The following TADA2A variants were observed in gnomAD, a reference collection of about 807,000 sequenced individuals.
TADA2A encodes transcriptional adapter 2-alpha.
A neutral mutation model predicts 67.4 loss-of-function variants in TADA2A; 38 were observed. That is an observed-to-expected ratio of 0.56 (90% CI 0.44 to 0.74). The LOEUF is 0.74. TADA2A is among the 30% of genes least tolerant of loss of function. TADA2A has a pLI of 0.00. For synonymous variants in TADA2A, 192 were observed against 181.6 expected, an observed-to-expected ratio of 1.06 and a Z score of -0.46; for missense variants, 454 against 547.0, an observed-to-expected ratio of 0.83 and a Z score of 1.70.
At chr17:37,444,551 G>C in intron 7 of TADA2A, 145 bp from the exon 8 acceptor site, 1 of 694,426 alleles carries the variant, frequency 1.4e-6, no homozygotes, top group East Asian at 2.6e-5. Context: ...ACCTGTGCCA[G>C]TATTGTGGCC....
chr17:37,460,269 A>G (rs998319952), intron 9 of TADA2A, among the ~76,000 whole-genome samples: 6 of 150,328 alleles, frequency 4.0e-5, no homozygotes, highest in African/African-American at 1.5e-4. Flanking sequence ...TACTTTTGAG[A>G]TGGTCTTGCT....
Position 37,443,578 on chromosome 17 carries a change from C to A in TADA2A, c.531+926C>A, listed in dbSNP as rs575479884. On this transcript the variant is annotated intron_variant, in intron 7 of 15. Coordinates refer to ENST00000615182, the MANE Select transcript of TADA2A (RefSeq NM_001166105.3). ...TTGTAGTCTGGTTCTTATTGTACAT[C>A]TAGGGGCTTTCAAGATTGTACTGTA... Among the ~76,000 whole-genome samples the A allele has an allele frequency of 5.3e-5, 8 of 152,234 alleles. No homozygotes were observed. The East Asian group carries it at 1.4e-3, about 26-fold the overall frequency.
At chr17:37,412,242 A>G (rs2051901551) in intron 2 of TADA2A, among the ~76,000 whole-genome samples, 3 of 150,794 alleles carry the variant, frequency 2.0e-5, no homozygotes, top group Non-Finnish European at 4.4e-5. Context: ...AAAGAAAATG[A>G]GGCTGAGATG....
At chr17:37,457,418 T>C (rs1462855085) in intron 8 of TADA2A, among the ~76,000 whole-genome samples, 1 of 151,256 alleles carries the variant, frequency 6.6e-6, no homozygotes, top group Non-Finnish European at 1.5e-5. Flanking sequence ...TGACCTCAAG[T>C]GATCCATCCA....
chr17:37,428,635 G>C (rs1284189864), intron 4 of TADA2A, among the ~76,000 whole-genome samples: 2 of 152,176 alleles, frequency 1.3e-5, no homozygotes, highest in Non-Finnish European at 2.9e-5. Flanking sequence ...AGGCTAAAGA[G>C]CAGTGGCACA....
At chr17:37,424,440 G>C (rs972676731) in intron 3 of TADA2A, among the ~76,000 whole-genome samples, 4 of 151,710 alleles carry the variant, frequency 2.6e-5, no homozygotes, top group African/African-American at 9.7e-5. Flanking sequence ...TGCAACCTCT[G>C]CCTCCCGGGT....
intron 8 of TADA2A, among the ~76,000 whole-genome samples, chr17:37,453,485 G>A (rs1280971278): frequency 6.6e-6 from 1 of 152,180 alleles, no homozygotes; most frequent in African/African-American, 2.4e-5. Context: ...TTCTGGGAAA[G>A]GCAGCTGGAG....
chr17:37,419,357 A>G (rs2052158008), intron 2 of TADA2A, among the ~76,000 whole-genome samples: 1 of 144,444 alleles, frequency 6.9e-6, no homozygotes, highest in African/African-American at 2.5e-5. Flanking sequence ...TTTTTTTTGT[A>G]GAGACATGGT....
intron 8 of TADA2A, among the ~76,000 whole-genome samples, chr17:37,452,648 GC>G (rs1259210479): frequency 6.6e-6 from 1 of 152,058 alleles, no homozygotes; most frequent in African/African-American, 2.4e-5. Context: ...ACATTCTAAA[GC>G]CCATCATTCC....
intron 5 of TADA2A, 154 bp downstream of exon 5, chr17:37,437,983 A>G: frequency 1.5e-6 from 1 of 676,558 alleles, no homozygotes; most frequent in Non-Finnish European, 2.5e-6. Flanking sequence ...TCTGTACATT[A>G]TTTTTCCAGT....
intron 14 of TADA2A, among the ~76,000 whole-genome samples, chr17:37,472,283 C>T (rs1434087169): frequency 6.6e-6 from 1 of 151,964 alleles, no homozygotes; most frequent in Non-Finnish European, 1.5e-5. Flanking sequence ...CCAGGCTGGT[C>T]TCGAACTGCT....
At position 37,411,281 on chromosome 17, in the gene TADA2A, C is replaced by G. The variant is rs2051857897; in HGVS notation, c.-85C>G. The G allele has an allele frequency of 3.0e-6, 4 of 1,315,248 alleles. No homozygotes were observed. Among genetic ancestry groups the G allele is most frequent in the South Asian group, 1.2e-5 (1 of 84,840 alleles). 81.5% of individuals were successfully genotyped at this position (1,315,248 alleles called of 1,614,324 possible). A position where few individuals can be genotyped will look rare whatever the true frequency, so the allele number is the denominator to read the frequency against. Reference sequence around the variant, plus strand: ...TGTTTGTTCCTAGGGAGTCATCAAGCTTTGGTGTATGTGTTGGCCGGTTCT... The same window carrying G: ...TGTTTGTTCCTAGGGAGTCATCAAGGTTTGGTGTATGTGTTGGCCGGTTCT... On this transcript the variant is annotated 5_prime_UTR_variant, in exon 2 of 16. Transcript: ENST00000615182.
At chr17:37,444,636 T>C in intron 7 of TADA2A, 60 bp from the exon 8 acceptor site, 1 of 1,400,400 alleles carries the variant, frequency 7.1e-7, no homozygotes, top group East Asian at 2.3e-5. Context: ...ATGGCTGCTG[T>C]AAAGACACTA....
intron 8 of TADA2A, among the ~76,000 whole-genome samples, chr17:37,458,059 T>C (rs1446798308): frequency 1.3e-5 from 2 of 152,228 alleles, no homozygotes; most frequent in African/African-American, 4.8e-5. Context: ...TTATTTTTCC[T>C]GATCCTCTCC....
At chr17:37,457,953 G>T (rs1028554727) in intron 8 of TADA2A, among the ~76,000 whole-genome samples, 1 of 152,212 alleles carries the variant, frequency 6.6e-6, no homozygotes, top group African/African-American at 2.4e-5. Context: ...AAATTCAGGG[G>T]TACATATGCA....
At chr17:37,470,574 A>C in intron 13 of TADA2A, 42 bp downstream of exon 13, 1 of 1,483,408 alleles carries the variant, frequency 6.7e-7, no homozygotes, top group Non-Finnish European at 8.9e-7. Flanking sequence ...TCTTTCTGGG[A>C]TGCCTTGGCC....
chr17:37,476,913 G>A lies in TADA2A; in HGVS notation c.1263G>A (p.Lys421=). The change falls in exon 16 of 16, where the codon AAG becomes AAA. Residue 421 remains lysine, a synonymous_variant. Transcript: ENST00000615182. ...TGGCGCAGGCAAGAGCACTCATCAA[G>A]ATAGATGTGAACAAAACCCGGAAAA... ...LRLAQARALI[K]IDVNKTRKIY... 1 of 1,614,148 alleles carries A rather than the reference G, an allele frequency of 6.2e-7. No homozygotes were observed. The highest frequency in any genetic ancestry group is 8.5e-7 in the Non-Finnish European group (1 of 1,180,020).
chr17:37,469,270 A>G (rs2053733648), intron 12 of TADA2A, among the ~76,000 whole-genome samples: 1 of 152,008 alleles, frequency 6.6e-6, no homozygotes, highest in Admixed American at 6.6e-5. Flanking sequence ...AGTTCAGCCT[A>G]GTATAATGGC....
chr17:37,450,854 G>A (rs530417074), intron 8 of TADA2A, among the ~76,000 whole-genome samples: 2 of 152,310 alleles, frequency 1.3e-5, no homozygotes, highest in African/African-American at 2.4e-5. Context: ...TTGCTGCTGA[G>A]TGTGCTCAGA....
Sources: allele counts gnomAD v4.1 joint callset (sites outside exome capture counted in the v4.1 genomes callset), GRCh38; gene constraint gnomAD v4.1.1; transcripts MANE v1.5; gene names NCBI Gene and HGNC (gene_info 2026-07-23, HGNC 2026-07-21).